The following ADAM2 variants were observed in gnomAD, a reference collection of about 807,000 sequenced individuals.
The protein encoded by ADAM2 is ADAM metallopeptidase domain 2, also known as disintegrin and metalloproteinase domain-containing protein 2.
A neutral mutation model predicts 99.3 loss-of-function variants in ADAM2; 101 were observed. The observed-to-expected ratio is 1.02, with a 90% confidence interval of 0.87 to 1.20. ADAM2 has a LOEUF of 1.20. Among genes scored for constraint, ADAM2 ranks in the 50% most tolerant of loss-of-function variants. The pLI is 0.00. For missense variants in ADAM2, 948 were observed against 878.7 expected, an observed-to-expected ratio of 1.08 and a Z score of -1.00; for synonymous variants, 323 against 287.6, an observed-to-expected ratio of 1.12 and a Z score of -1.25.
intron 7 of ADAM2, among the ~76,000 whole-genome samples, chr8:39,805,065 G>T (rs1184801569): frequency 1.3e-5 from 2 of 152,092 alleles, no homozygotes; most frequent in Non-Finnish European, 2.9e-5. Flanking sequence ...GTCTGATGAG[G>T]GTTCATTTCC....
At chr8:39,808,805 A>G (rs527952732) in intron 7 of ADAM2, among the ~76,000 whole-genome samples, 12 of 152,166 alleles carry the variant, frequency 7.9e-5, no homozygotes, top group Non-Finnish European at 1.5e-4. Context: ...AGTCCCAGTT[A>G]CTTGTGAGGC....
chr8:39,775,172 T>G (rs1802940070), intron 11 of ADAM2, among the ~76,000 whole-genome samples: 1 of 151,972 alleles, frequency 6.6e-6, no homozygotes, highest in African/African-American at 2.4e-5. Flanking sequence ...AGAGAAGGAG[T>G]GCGTACATTT....
At chr8:39,754,475 T>G (rs1237336630) in intron 16 of ADAM2, among the ~76,000 whole-genome samples, 1 of 152,226 alleles carries the variant, frequency 6.6e-6, no homozygotes, top group Non-Finnish European at 1.5e-5. Flanking sequence ...TATTTTAGCC[T>G]ATTTAGAAAC....
chr8:39,772,956 C>T (rs879806180), intron 11 of ADAM2, among the ~76,000 whole-genome samples: 2 of 151,698 alleles, frequency 1.3e-5, no homozygotes, highest in Non-Finnish European at 3.0e-5. Context: ...AAAAATAACA[C>T]CTCAACACAT....
At position 39,761,219 on chromosome 8, in the gene ADAM2, T is replaced by C. The variant is rs747338388; in HGVS notation, c.1570A>G (p.Asn524Asp). 6.2e-7 allele frequency: 1 copy of C among 1,604,452 alleles called. No individual in the cohort carries two copies. The highest frequency in any genetic ancestry group is 2.3e-5 in the East Asian group (1 of 44,314). ...TATCCTGAATCACTTATACCACAGT[T>C]TCCAGATACATCAGTCTTTGAATTA... ...HLNSKTDVSGNCGISDSGYTQ... is the reference protein window; with the variant it reads ...HLNSKTDVSGDCGISDSGYTQ... Residue 524 changes from asparagine (N) to aspartate (D), a missense_variant, in exon 15 of 21, where the codon AAC becomes GAC. Asn to Asp is a conservative substitution (Grantham distance 23, BLOSUM62 1). Transcript: ENST00000265708.
chr8:39,768,365 A>T (rs1239414273), intron 12 of ADAM2, among the ~76,000 whole-genome samples: 1 of 152,170 alleles, frequency 6.6e-6, no homozygotes, highest in Non-Finnish European at 1.5e-5. Flanking sequence ...AATGAAGTCT[A>T]CTTAGTCTTT....
At position 39,749,457 on chromosome 8, in the gene ADAM2, GA is replaced by G; in HGVS notation, c.1876-8del. ...GCTTTTTGTTATTGCATACCTAAAA[GA>G]AGGAGAAATATCACCTTATAAGATA... On this transcript the variant is annotated splice_polypyrimidine_tract_variant and splice_region_variant and intron_variant, in intron 17 of 20. Coordinates refer to ENST00000265708, the MANE Select transcript of ADAM2 (RefSeq NM_001464.5). The G allele has an allele frequency of 6.2e-7, 1 of 1,608,862 alleles. No homozygotes were observed. The highest frequency in any genetic ancestry group is 8.5e-7 in the Non-Finnish European group (1 of 1,176,708).
At chr8:39,827,075 A>G (rs942305387) in intron 3 of ADAM2, among the ~76,000 whole-genome samples, 2 of 152,144 alleles carry the variant, frequency 1.3e-5, no homozygotes, top group Non-Finnish European at 2.9e-5. Flanking sequence ...TGAGCAAAAT[A>G]CCTAAATAGA....
In ADAM2 at chr8:39,834,036, A is replaced by C. The variant is rs530924998; in HGVS notation, c.133-37T>G. ...GCACAGTAAAAATACAAAGAAAATG[A>C]AAAAAAATGTTAGAAGGGATAACCA... On this transcript the variant is annotated intron_variant, in intron 2 of 20. Transcript: ENST00000265708. The C allele has an allele frequency of 8.9e-5, 105 of 1,181,862 alleles. 3 individuals carry two copies. In the South Asian group the frequency reaches 1.3e-3, roughly 15 times the overall value. 73.2% of individuals were successfully genotyped at this position (1,181,862 alleles called of 1,614,324 possible). A position where few individuals can be genotyped will look rare whatever the true frequency, so the allele number is the denominator to read the frequency against.
At position 39,788,148 on chromosome 8, in the gene ADAM2, G is replaced by T; in HGVS notation, c.746C>A (p.Thr249Lys). The change falls in exon 9 of 21, where the codon ACA becomes AAA. Residue 249 changes from threonine to lysine, a missense_variant. Physicochemically the swap from Thr to Lys is moderately conservative, Grantham distance 78 (BLOSUM62 -1). Transcript: ENST00000265708. ...ATAAGATGTTTTCCATCTTAAAAATGTGTGTAATAACTCATTAGCTTCTCC... is the reference window on the plus strand; with the variant it reads ...ATAAGATGTTTTCCATCTTAAAAATTTGTGTAATAACTCATTAGCTTCTCC... ...TTGEANELLHTFLRWKTSYLV... is the reference protein window; with the variant it reads ...TTGEANELLHKFLRWKTSYLV... The T allele has an allele frequency of 6.3e-7, 1 of 1,583,530 alleles. No individual in the cohort carries two copies. Among genetic ancestry groups the T allele is most frequent in the East Asian group, 2.3e-5 (1 of 43,280 alleles).
chr8:39,750,032 C>A (rs190563428), intron 16 of ADAM2, among the ~76,000 whole-genome samples: 2 of 151,568 alleles, frequency 1.3e-5, no homozygotes, highest in Admixed American at 1.3e-4. Flanking sequence ...CAAATAAGTA[C>A]GTAATAAATG....
chr8:39,760,447 C>T (rs887027332), intron 15 of ADAM2, among the ~76,000 whole-genome samples: 1 of 152,166 alleles, frequency 6.6e-6, no homozygotes, highest in Non-Finnish European at 1.5e-5. Context: ...TTTGGCCAGG[C>T]GCGGTGGCTC....
chr8:39,793,659 A>G (rs925429093), intron 7 of ADAM2, among the ~76,000 whole-genome samples: 2 of 152,164 alleles, frequency 1.3e-5, no homozygotes, highest in African/African-American at 4.8e-5. Context: ...GGGCAAAAGA[A>G]ATTTCCAGAC....
intron 10 of ADAM2, among the ~76,000 whole-genome samples, chr8:39,781,328 T>C (rs1803224599): frequency 6.6e-6 from 1 of 152,160 alleles, no homozygotes; most frequent in African/African-American, 2.4e-5. Flanking sequence ...GTATAACTAC[T>C]ACTTTGTACT....
chr8:39,810,520 C>T (rs1804652630), intron 6 of ADAM2, among the ~76,000 whole-genome samples: 1 of 152,182 alleles, frequency 6.6e-6, no homozygotes, highest in South Asian at 2.1e-4. Flanking sequence ...CCAAAATTGA[C>T]CACATAGTTG....
At chr8:39,834,067 T>TG in intron 2 of ADAM2, 68 bp from the exon 3 acceptor site, 1 of 819,746 alleles carries the variant, frequency 1.2e-6, no homozygotes, top group Non-Finnish European at 2.0e-6. Flanking sequence ...AACCATCATT[T>TG]TACATTAATG....
intron 7 of ADAM2, among the ~76,000 whole-genome samples, chr8:39,797,245 C>G (rs539282298): frequency 6.6e-6 from 1 of 152,274 alleles, no homozygotes; most frequent in South Asian, 2.1e-4. Flanking sequence ...AGGAAGGGGT[C>G]CAGTTTCAGT....
chr8:39,793,626 C>T (rs960691975), intron 7 of ADAM2, among the ~76,000 whole-genome samples: 2 of 152,058 alleles, frequency 1.3e-5, no homozygotes, highest in Non-Finnish European at 2.9e-5. Flanking sequence ...AAGTCTTTTG[C>T]ATAAGAGTAG....
chr8:39,815,357 ATCTT>A (rs1204386005), intron 6 of ADAM2, among the ~76,000 whole-genome samples: 1 of 152,184 alleles, frequency 6.6e-6, no homozygotes, highest in African/African-American at 2.4e-5. Context: ...AGGTTATAGG[ATCTT>A]TCTGTTTAGA....
Sources: gnomAD v4.1 joint callset for allele counts (sites outside exome capture counted in the v4.1 genomes callset) on GRCh38, gnomAD v4.1.1 for gene constraint, MANE v1.5 for transcripts, NCBI Gene and HGNC (gene_info 2026-07-23, HGNC 2026-07-21) for gene names.